Variants in EEPD1 observed in about 807,000 individuals in gnomAD.
EEPD1 encodes endonuclease/exonuclease/phosphatase family domain containing 1, also known as endonuclease/exonuclease/phosphatase family domain-containing protein 1.
In EEPD1, 17 loss-of-function variants were observed where a neutral mutation model predicts 46.3. The observed-to-expected ratio is 0.37, with a 90% confidence interval of 0.25 to 0.55. The LOEUF is 0.55. Ranked by LOEUF, EEPD1 falls within the 20% of genes least tolerant of loss-of-function variation. EEPD1 has a pLI of 0.83. For missense variants in EEPD1, 673 were observed against 745.6 expected (o/e 0.90, Z 1.13); for synonymous variants, 313 against 315.6 (o/e 0.99, Z 0.09).
chr7:36,230,588 C>G (rs923676367), intron 2 of EEPD1: 4 of 152,824 alleles, frequency 2.6e-5, no homozygotes, highest in African/African-American at 9.6e-5. Context: ...CTCCTGTCCT[C>G]CCCTCTGCTG....
At chr7:36,298,428 C>T (rs117077931) in intron 7 of EEPD1, among the ~76,000 whole-genome samples, 1,973 of 152,310 alleles carry the variant, frequency 0.013, 19 homozygotes, top group Non-Finnish European at 0.021. Context: ...AAGGACCACA[C>T]AGTGCTTTCT....
At chr7:36,170,098 A>G (rs1348319865) in intron 2 of EEPD1, among the ~76,000 whole-genome samples, 2 of 152,174 alleles carry the variant, frequency 1.3e-5, no homozygotes, top group East Asian at 3.9e-4. Context: ...GACATTTTCT[A>G]TGTACGTTCA....
chr7:36,183,938 C>T (rs1208949141), intron 2 of EEPD1, among the ~76,000 whole-genome samples: 2 of 147,042 alleles, frequency 1.4e-5, no homozygotes, highest in East Asian at 3.9e-4. Context: ...TCACAAACAG[C>T]CGCAAATTCT....
chr7:36,236,315 G>T (rs962010005), intron 2 of EEPD1, among the ~76,000 whole-genome samples: 1 of 152,210 alleles, frequency 6.6e-6, no homozygotes, highest in African/African-American at 2.4e-5. Context: ...CGGAAGCGGC[G>T]CTGGCGGGCC....
In EEPD1 at chr7:36,284,917, G is replaced by T; in HGVS notation, c.1176+97G>T. ...TAATAGCATGAGTAAGAGAAGTCTCGTCTTTTTGCCTTGATTTCAGCCTCT... is the reference window on the plus strand; with the variant it reads ...TAATAGCATGAGTAAGAGAAGTCTCTTCTTTTTGCCTTGATTTCAGCCTCT... On this transcript the variant is annotated intron_variant, in intron 5 of 7. Coordinates refer to ENST00000242108, the MANE Select transcript of EEPD1 (RefSeq NM_030636.3). 2 of 1,372,248 alleles carry T rather than the reference G, an allele frequency of 1.5e-6. 1 individual carries two copies. The highest frequency in any genetic ancestry group is 1.9e-6 in the Non-Finnish European group (2 of 1,058,132). 85.0% of individuals were successfully genotyped at this position (1,372,248 alleles called of 1,614,324 possible).
At position 36,237,770 on chromosome 7, in the gene EEPD1, G is replaced by A. The variant is rs549660760; in HGVS notation, c.879-1215G>A. Among the ~76,000 whole-genome samples the A allele has an allele frequency of 4.6e-5, 7 of 152,212 alleles. No homozygotes were observed. In the South Asian group the frequency reaches 8.3e-4, roughly 18 times the overall value. Reference sequence around the variant, plus strand: ...GTTCAAGACCCGCCTGGCCAACATGGTGAAACCCTGTCTGTACTAAAAATA... The same window carrying A: ...GTTCAAGACCCGCCTGGCCAACATGATGAAACCCTGTCTGTACTAAAAATA... On this transcript the variant is annotated intron_variant, in intron 2 of 7. Transcript: ENST00000242108.
At chr7:36,223,421 A>G (rs1331725383) in intron 2 of EEPD1, among the ~76,000 whole-genome samples, 1 of 152,068 alleles carries the variant, frequency 6.6e-6, no homozygotes, top group Non-Finnish European at 1.5e-5. Context: ...ACTCCTCTGC[A>G]TCCCCCACCC....
chr7:36,232,531 TCTGGTTTGTTTGTTTTTGC>T (rs1786352341), intron 2 of EEPD1, among the ~76,000 whole-genome samples: 1 of 151,628 alleles, frequency 6.6e-6, no homozygotes, highest in Non-Finnish European at 1.5e-5. Flanking sequence ...TAAGAATGTC[TCTGGTTTGTTTGTTTTTGC>T]CCCTCCCCCT....
chr7:36,200,222 A>T (rs2115701214), intron 2 of EEPD1, among the ~76,000 whole-genome samples: 1 of 152,196 alleles, frequency 6.6e-6, no homozygotes, highest in Non-Finnish European at 1.5e-5. Flanking sequence ...ATAAGTGAGA[A>T]CATGTGGTAT....
chr7:36,196,932 C>T (rs1263335891), intron 2 of EEPD1, among the ~76,000 whole-genome samples: 1 of 150,588 alleles, frequency 6.6e-6, no homozygotes, highest in Non-Finnish European at 1.5e-5. Context: ...GTGAGGAGCG[C>T]CTCTTCCGGG....
chr7:36,231,627 C>A (rs577126443), intron 2 of EEPD1, among the ~76,000 whole-genome samples: 185 of 152,310 alleles, frequency 1.2e-3, no homozygotes, highest in Non-Finnish European at 2.2e-3. Context: ...TTGTGGAGGG[C>A]AGGAACTGTG....
At chr7:36,271,229 G>T (rs985523408) in intron 3 of EEPD1, among the ~76,000 whole-genome samples, 6 of 151,884 alleles carry the variant, frequency 4.0e-5, no homozygotes, top group Non-Finnish European at 8.8e-5. Flanking sequence ...CTCATGATCT[G>T]CCCGCCTTGC....
chr7:36,155,516 C>G (rs955002531), intron 2 of EEPD1, among the ~76,000 whole-genome samples: 11 of 152,182 alleles, frequency 7.2e-5, no homozygotes, highest in South Asian at 2.1e-4. Flanking sequence ...CCAAGTCAGG[C>G]ACTCAGAGCA....
At chr7:36,218,775 A>G (rs1333556133) in intron 2 of EEPD1, among the ~76,000 whole-genome samples, 1 of 152,186 alleles carries the variant, frequency 6.6e-6, no homozygotes, top group East Asian at 1.9e-4. Flanking sequence ...AAAATATGTG[A>G]TCAAATGTAA....
chr7:36,286,695 A>C (rs1787346898), intron 5 of EEPD1, among the ~76,000 whole-genome samples: 1 of 152,198 alleles, frequency 6.6e-6, no homozygotes, highest in Admixed American at 6.5e-5. Flanking sequence ...CAGAGAGAAA[A>C]GAACACAGAG....
At chr7:36,176,279 G>A (rs150244592) in intron 2 of EEPD1, among the ~76,000 whole-genome samples, 6 of 152,290 alleles carry the variant, frequency 3.9e-5, no homozygotes, top group African/African-American at 9.6e-5. Context: ...TGCTCAGTGC[G>A]TTTGGAAGAC....
chr7:36,178,321 G>A (rs1470226766), intron 2 of EEPD1, among the ~76,000 whole-genome samples: 1 of 152,008 alleles, frequency 6.6e-6, no homozygotes, highest in East Asian at 1.9e-4. Flanking sequence ...CTAGCCACAC[G>A]CTGCAGTAAA....
intron 2 of EEPD1, among the ~76,000 whole-genome samples, chr7:36,211,797 C>G (rs989545566): frequency 6.6e-6 from 1 of 151,822 alleles, no homozygotes; most frequent in African/African-American, 2.4e-5. Context: ...TGGTGGCAAG[C>G]GCCTGTAAAC....
At chr7:36,261,339 T>C (rs980070933) in intron 3 of EEPD1, among the ~76,000 whole-genome samples, 1 of 152,220 alleles carries the variant, frequency 6.6e-6, no homozygotes, top group Non-Finnish European at 1.5e-5. Flanking sequence ...CTGCTTGCCC[T>C]TGGGTATATC....
Sources: allele counts gnomAD v4.1 joint callset (sites outside exome capture counted in the v4.1 genomes callset), GRCh38; gene constraint gnomAD v4.1.1; transcripts MANE v1.5; gene names NCBI Gene and HGNC (gene_info 2026-07-23, HGNC 2026-07-21).